Variants in SPOP observed in about 807,000 individuals in gnomAD.
The protein encoded by SPOP is speckle-type POZ protein.
A neutral mutation model predicts 45.6 loss-of-function variants in SPOP; 11 were observed. The ratio of observed to expected loss-of-function variants is 0.24; its 90% CI spans 0.15 to 0.40. The LOEUF is 0.40. SPOP is among the 10% of genes least tolerant of loss of function. The pLI is 1.00. For synonymous variants in SPOP, 166 were observed against 166.3 expected (o/e 1.00, Z 0.01); for missense variants, 152 against 465.6 (o/e 0.33, Z 6.20).
intron 1 of SPOP, among the ~76,000 whole-genome samples, chr17:49,671,671 A>C (rs1288649943): frequency 1.3e-5 from 2 of 152,196 alleles, no homozygotes; most frequent in African/African-American, 4.8e-5. Context: ...GAAAAGTGTT[A>C]AAGAAAAAAA....
At chr17:49,651,291 C>G (rs183300763) in intron 1 of SPOP, among the ~76,000 whole-genome samples, 5 of 152,278 alleles carry the variant, frequency 3.3e-5, no homozygotes, top group Non-Finnish European at 7.4e-5. Context: ...ATACTAGAAA[C>G]AAAACCAGAA....
intron 1 of SPOP, among the ~76,000 whole-genome samples, chr17:49,672,455 T>C (rs2073147692): frequency 6.6e-6 from 1 of 152,196 alleles, no homozygotes; most frequent in Admixed American, 6.6e-5. Flanking sequence ...TAGTGGGACA[T>C]TATGACATTG....
intron 1 of SPOP, among the ~76,000 whole-genome samples, chr17:49,637,598 A>C (rs2072565817): frequency 6.6e-6 from 1 of 152,040 alleles, no homozygotes; most frequent in Non-Finnish European, 1.5e-5. Context: ...TGATCTGCCC[A>C]CCTCGACCTC....
intron 1 of SPOP, among the ~76,000 whole-genome samples, chr17:49,667,215 T>A (rs2073073017): frequency 6.8e-6 from 1 of 146,600 alleles, no homozygotes. Context: ...AACACACCCA[T>A]TAGGATGGCT....
At chr17:49,663,840 A>G (rs562347767) in intron 1 of SPOP, among the ~76,000 whole-genome samples, 1 of 152,364 alleles carries the variant, frequency 6.6e-6, no homozygotes, top group African/African-American at 2.4e-5. Flanking sequence ...GCCAATGATA[A>G]AAACCAGGCT....
intron 1 of SPOP, 144 bp from the exon 2 acceptor site, chr17:49,623,020 T>C: frequency 1.9e-6 from 1 of 517,186 alleles, no homozygotes; most frequent in South Asian, 2.4e-5. Flanking sequence ...ATTTTTTTTT[T>C]TTTTCCTGAT....
chr17:49,664,601 G>A (rs986449349), intron 1 of SPOP, among the ~76,000 whole-genome samples: 4 of 152,106 alleles, frequency 2.6e-5, no homozygotes, highest in Admixed American at 6.6e-5. Context: ...CTCCTGAGAC[G>A]ACAGTGAGAA....
chr17:49,643,950 A>T (rs2072707293), intron 1 of SPOP, among the ~76,000 whole-genome samples: 1 of 151,576 alleles, frequency 6.6e-6, no homozygotes, highest in South Asian at 2.1e-4. Context: ...AAAAAAAAAG[A>T]AAGTATTCTA....
intron 1 of SPOP, among the ~76,000 whole-genome samples, chr17:49,667,047 G>A (rs187300295): frequency 2.6e-5 from 4 of 151,032 alleles, no homozygotes; most frequent in African/African-American, 7.3e-5. Context: ...GCATGGTGGC[G>A]CAAGCCTATA....
intron 1 of SPOP, among the ~76,000 whole-genome samples, chr17:49,645,069 G>GA (rs1367199626): frequency 2.0e-5 from 3 of 151,708 alleles, no homozygotes; most frequent in Non-Finnish European, 4.4e-5. Flanking sequence ...TGTGATATAG[G>GA]AAAAAAAGCT....
intron 9 of SPOP, chr17:49,601,346 T>A (rs1056456394): frequency 1.3e-5 from 2 of 152,386 alleles, no homozygotes; most frequent in Non-Finnish European, 2.9e-5. Context: ...TTTCATATTA[T>A]TATTATTCCA....
intron 6 of SPOP, 152 bp downstream of exon 6, chr17:49,611,128 A>G (rs2071964289): frequency 1.2e-6 from 1 of 848,504 alleles, no homozygotes; most frequent in Admixed American, 2.9e-5. Flanking sequence ...TTTGGTTCTG[A>G]GCATTGTTAC....
intron 1 of SPOP, among the ~76,000 whole-genome samples, chr17:49,666,550 G>A (rs530617521): frequency 2.6e-5 from 4 of 151,426 alleles, no homozygotes; most frequent in South Asian, 2.1e-4. Flanking sequence ...ACTCAAGGCC[G>A]GGCACAGTGG....
At chr17:49,621,114 G>A (rs2072214368) in intron 3 of SPOP, among the ~76,000 whole-genome samples, 1 of 152,198 alleles carries the variant, frequency 6.6e-6, no homozygotes, top group South Asian at 2.1e-4. Context: ...CAGGCAAGAT[G>A]ACACATAGTC....
chr17:49,644,834 T>C (rs2072725218), intron 1 of SPOP, among the ~76,000 whole-genome samples: 1 of 152,184 alleles, frequency 6.6e-6, no homozygotes, highest in Non-Finnish European at 1.5e-5. Flanking sequence ...CACACATACA[T>C]ACATACACAT....
chr17:49,672,956 A>AC (rs926825601), intron 1 of SPOP, among the ~76,000 whole-genome samples: 1 of 152,076 alleles, frequency 6.6e-6, no homozygotes, highest in African/African-American at 2.4e-5. Flanking sequence ...CGAAAAAAAA[A>AC]CAAAAAACAG....
intron 1 of SPOP, among the ~76,000 whole-genome samples, chr17:49,647,189 G>A (rs941069152): frequency 7.3e-5 from 11 of 151,370 alleles, no homozygotes; most frequent in African/African-American, 9.7e-5. Context: ...CCAGCTAATC[G>A]GAAGGCTGAG....
chr17:49,660,183 T>C (rs1402751711), intron 1 of SPOP, among the ~76,000 whole-genome samples: 1 of 152,226 alleles, frequency 6.6e-6, no homozygotes, highest in Non-Finnish European at 1.5e-5. Context: ...TGACCTCATT[T>C]CTACTACTTT....
chr17:49,608,464 A>T (rs576515984), intron 6 of SPOP, among the ~76,000 whole-genome samples: 1 of 152,162 alleles, frequency 6.6e-6, no homozygotes, highest in African/African-American at 2.4e-5. Flanking sequence ...TATTGCCCCA[A>T]AGAGGTGGGG....
Sources: gnomAD v4.1 joint callset for allele counts (sites outside exome capture counted in the v4.1 genomes callset) on GRCh38, gnomAD v4.1.1 for gene constraint, MANE v1.5 for transcripts, NCBI Gene and HGNC (gene_info 2026-07-23, HGNC 2026-07-21) for gene names.